Variants in FASTKD3 observed in about 807,000 individuals in gnomAD.
FASTKD3 encodes the protein FAST kinase domains 3.
In FASTKD3, 47 loss-of-function variants were observed where a neutral mutation model predicts 49.7. The ratio of observed to expected loss-of-function variants is 0.95; its 90% CI spans 0.75 to 1.21. FASTKD3 has a LOEUF of 1.21. FASTKD3 is among the 50% of genes most tolerant of loss of function. FASTKD3 has a pLI of 0.00. For synonymous variants in FASTKD3, 284 were observed against 288.6 expected, an observed-to-expected ratio of 0.98 and a Z score of 0.16; for missense variants, 748 against 765.7, an observed-to-expected ratio of 0.98 and a Z score of 0.27.
In FASTKD3 at chr5:7,867,807, T is replaced by G. The variant is rs200439700; in HGVS notation, c.277A>C (p.Asn93His). Residue 93 changes from asparagine to histidine, a missense_variant, in exon 2 of 7, where the codon AAT (asparagine) becomes CAT (histidine). Physicochemically the swap from Asn to His is moderately conservative, Grantham distance 68 (BLOSUM62 1). This residue lies in a region of FASTKD3 where 564 missense variants were observed against 562.8 expected (regional missense o/e 1.00). Transcript: ENST00000264669. ...ATCTGACTCTCCTCATTTTTAACAT[T>G]TTGTTCAAGCCTGTCGCAGTCAGAT... ...QVSDCDRLEQ[N>H]VKNEESQMFY... 61 of 1,614,100 alleles carry G rather than the reference T, an allele frequency of 3.8e-5. No homozygotes were observed. In the Middle Eastern group the frequency reaches 4.9e-4, roughly 13 times the overall value.
chr5:7,867,713 G>A lies in FASTKD3; in HGVS notation c.371C>T (p.Thr124Ile), dbSNP rs1561113038. Reference protein sequence around the residue: ...EVLSFISTMETLPDTMAAGAL... With the variant: ...EVLSFISTMEILPDTMAAGAL... ...TCCTGCTGCCATAGTGTCAGGCAGG[G>A]TTTCCATCGTGCTTATAAAACTTAG... Residue 124 changes from threonine (T) to isoleucine (I), a missense_variant, in exon 2 of 7, where the codon ACC becomes ATC. By Grantham distance (89) the Thr-to-Ile change is moderately conservative. Coordinates refer to ENST00000264669, the MANE Select transcript of FASTKD3 (RefSeq NM_024091.4). 1.2e-6 allele frequency: 2 copies of A among 1,614,044 alleles called. No homozygotes were observed. Among genetic ancestry groups the A allele is most frequent in the Non-Finnish European group, 1.7e-6 (2 of 1,180,048 alleles).
In FASTKD3 at chr5:7,866,632, T is replaced by G. The variant is rs774620141; in HGVS notation, c.1438+14A>C. ...TTACTTTTTTCCAACTGTCAGAATTTATAACCAACTCACCTTGCAGCCGTT... is the reference window on the plus strand; with the variant it reads ...TTACTTTTTTCCAACTGTCAGAATTGATAACCAACTCACCTTGCAGCCGTT... On this transcript the variant is annotated intron_variant, in intron 2 of 6. Transcript: ENST00000264669. 7.7e-6 allele frequency: 12 copies of G among 1,549,662 alleles called. No individual in the cohort carries two copies. The South Asian group carries it at 1.4e-4, about 18-fold the overall frequency.
Position 7,866,822 on chromosome 5 carries a change from A to G in FASTKD3, c.1262T>C (p.Leu421Ser). The stretch of plus-strand genomic sequence containing the variant: ...AAATAAAGCAGAGGCATTTGGTGGC[A>G]AATAATTGAGTTTCCCAAATGGTTC... ...LMEPFGKLNY[L>S]PPNASALFRK... The change falls in exon 2 of 7, where the codon TTG (leucine) becomes TCG (serine). Residue 421 changes from leucine (L) to serine (S), a missense_variant. By Grantham distance (145) the Leu-to-Ser change is moderately radical. Transcript: ENST00000264669. The G allele has an allele frequency of 1.2e-6, 2 of 1,614,184 alleles. No individual in the cohort carries two copies. Among genetic ancestry groups the G allele is most frequent in the East Asian group, 4.5e-5 (2 of 44,888 alleles).
chr5:7,859,828 A>G, intron 6 of FASTKD3, among the ~76,000 whole-genome samples: 1 of 152,260 alleles, frequency 6.6e-6, no homozygotes. Flanking sequence ...GTGGCAAGTT[A>G]AATTACACAA....
At chr5:7,866,134 T>G in intron 2 of FASTKD3, 151 bp from the exon 3 acceptor site, 1 of 600,572 alleles carries the variant, frequency 1.7e-6, no homozygotes, top group Non-Finnish European at 2.9e-6. Flanking sequence ...GAATTAATTA[T>G]GCCCTCCTCT....
intron 1 of FASTKD3, 68 bp downstream of exon 1, chr5:7,868,911 G>A: frequency 1.6e-6 from 1 of 617,590 alleles, no homozygotes; most frequent in South Asian, 1.8e-5. Flanking sequence ...GCAGCCTGAG[G>A]AGAAAGCCGG....
At position 7,868,963 on chromosome 5, in the gene FASTKD3, C is replaced by T; in HGVS notation, c.-114+16G>A. The stretch of plus-strand genomic sequence containing the variant: ...CAGCCGGACCAACTGCGCGGAGACC[C>T]CGCGTTGACACCTACCGCGCTCTGC... On this transcript the variant is annotated intron_variant, in intron 1 of 6. Coordinates refer to ENST00000264669, the MANE Select transcript of FASTKD3 (RefSeq NM_024091.4). 1 of 767,706 alleles carries T rather than the reference C, an allele frequency of 1.3e-6. No homozygotes were observed. Among genetic ancestry groups the T allele is most frequent in the Non-Finnish European group, 2.3e-6 (1 of 438,248 alleles). 47.6% of individuals were successfully genotyped at this position (767,706 alleles called of 1,614,324 possible).
chr5:7,866,100 T>C (rs1216610540), intron 2 of FASTKD3, 117 bp from the exon 3 acceptor site: 1 of 734,320 alleles, frequency 1.4e-6, no homozygotes, highest in African/African-American at 1.7e-5. Flanking sequence ...TATTTTTAAA[T>C]GACACTATGA....
In FASTKD3 at chr5:7,859,480, T is replaced by C. The variant is rs574893898; in HGVS notation, c.1944A>G (p.Gln648=). ...CAGTGTTTTGAGAAAACAGTTTTCTTTGTAAATATTCCACCAATTCACGTC... is the reference window on the plus strand; with the variant it reads ...CAGTGTTTTGAGAAAACAGTTTTCTCTGTAAATATTCCACCAATTCACGTC... ...KSRRELVEYL[Q]RKLFSQNTVH... is the part of the protein sequence containing the mutation. The change falls in exon 7 of 7, where the codon CAA becomes CAG. Residue 648 remains glutamine (Q), a synonymous_variant. Transcript: ENST00000264669. 2.5e-6 allele frequency: 4 copies of C among 1,607,380 alleles called. No individual in the cohort carries two copies. The East Asian group carries it at 6.7e-5, about 27-fold the overall frequency.
Position 7,866,105 on chromosome 5 carries a change from C to G in FASTKD3, c.1439-122G>C, listed in dbSNP as rs1297018081. On this transcript the variant is annotated intron_variant, in intron 2 of 6. Coordinates refer to ENST00000264669, the MANE Select transcript of FASTKD3 (RefSeq NM_024091.4). ...AGAAGTATTCTATTTTTAAATGACA[C>G]TATGAAATGAACTTGTTAGAATTAA... is the stretch of plus-strand genomic sequence containing the variant. The G allele has an allele frequency of 2.7e-5, 19 of 713,204 alleles. 1 individual carries two copies. In the South Asian group the frequency reaches 3.8e-4, roughly 14 times the overall value. The allele number at this position is 713,204 out of a possible 1,614,324, so 44.2% of individuals were successfully genotyped here. A position where few individuals can be genotyped will look rare whatever the true frequency, so the allele number is the denominator to read the frequency against.
rs3733784 is a variant in FASTKD3, at chr5:7,862,813, T to C, written c.1699+10A>G. The C allele has an allele frequency of 0.62, 995,204 of 1,601,284 alleles. 318,883 individuals are homozygous for C. Among genetic ancestry groups the C allele is most frequent in the Non-Finnish European group, 0.66 (779,412 of 1,172,244 alleles). ...AGGTTTAAAACAACAAAACTCCTTATACTACTTACCTATTGTATAACAATA... is the reference window on the plus strand; with the variant it reads ...AGGTTTAAAACAACAAAACTCCTTACACTACTTACCTATTGTATAACAATA... On this transcript the variant is annotated intron_variant, in intron 4 of 6. Coordinates refer to ENST00000264669, the MANE Select transcript of FASTKD3 (RefSeq NM_024091.4).
chr5:7,866,594 G>A, intron 2 of FASTKD3, 52 bp downstream of exon 2: 7 of 1,342,290 alleles, frequency 5.2e-6, no homozygotes, highest in South Asian at 2.9e-5. Context: ...TGAAACCACT[G>A]CCAGTTCAAA....
chr5:7,863,022 G>A, intron 3 of FASTKD3, 25 bp from the exon 4 acceptor site: 1 of 1,586,988 alleles, frequency 6.3e-7, no homozygotes, highest in South Asian at 1.1e-5. Flanking sequence ...GTGCAAATGT[G>A]AGAAAGAAAA....
In FASTKD3 at chr5:7,865,993, A is replaced by G. The variant is rs17184211; in HGVS notation, c.1439-10T>C. 1.2e-6 allele frequency: 2 copies of G among 1,609,610 alleles called. No individual in the cohort carries two copies. The highest frequency in any genetic ancestry group is 2.7e-5 in the African/African-American group (2 of 74,788). ...AAATGAGATTCTTTACCTGAAACAG[A>G]AAGCATCCCAGTCATAGTTACGTCT... On this transcript the variant is annotated splice_polypyrimidine_tract_variant and intron_variant, in intron 2 of 6. Coordinates refer to ENST00000264669, the MANE Select transcript of FASTKD3 (RefSeq NM_024091.4).
chr5:7,861,761 A>G, intron 4 of FASTKD3, 109 bp from the exon 5 acceptor site: 4 of 1,479,370 alleles, frequency 2.7e-6, no homozygotes, highest in Non-Finnish European at 3.6e-6. Context: ...GCATTGATCA[A>G]TTGGACTGAA....
chr5:7,865,453 G>A (rs191844292), intron 3 of FASTKD3, among the ~76,000 whole-genome samples: 44 of 152,224 alleles, frequency 2.9e-4, no homozygotes, highest in Non-Finnish European at 3.8e-4. Context: ...TGGGAAGAGC[G>A]AACTCTAGAT....
At chr5:7,865,769 TG>T in intron 3 of FASTKD3, 128 bp downstream of exon 3, 1 of 655,316 alleles carries the variant, frequency 1.5e-6, no homozygotes, top group Non-Finnish European at 2.7e-6. Flanking sequence ...AAAGCCTATC[TG>T]GTGGCAACTG....
At chr5:7,860,998 G>A (rs539921394) in intron 6 of FASTKD3, 151 bp downstream of exon 6, 27 of 501,840 alleles carry the variant, frequency 5.4e-5, no homozygotes, top group East Asian at 3.6e-4. Context: ...AAGCCATTTC[G>A]AGTTTTGTGC....
In FASTKD3 at chr5:7,862,813, T is replaced by A; in HGVS notation, c.1699+10A>T. On this transcript the variant is annotated intron_variant, in intron 4 of 6. Coordinates refer to ENST00000264669, the MANE Select transcript of FASTKD3 (RefSeq NM_024091.4). ...AGGTTTAAAACAACAAAACTCCTTA[T>A]ACTACTTACCTATTGTATAACAATA... 5.6e-6 allele frequency: 9 copies of A among 1,603,470 alleles called. No homozygotes were observed. The highest frequency in any genetic ancestry group is 7.7e-6 in the Non-Finnish European group (9 of 1,174,132).
Sources: gnomAD v4.1 joint callset for allele counts (sites outside exome capture counted in the v4.1 genomes callset) on GRCh38, gnomAD v4.1.1 for gene constraint, gnomAD v4.1.1 regional missense constraint, MANE v1.5 for transcripts, NCBI Gene and HGNC (gene_info 2026-07-23, HGNC 2026-07-21) for gene names.